Variants in SVIL observed in about 807,000 individuals in gnomAD.
SVIL encodes archvillin.
SVIL carries 101 observed loss-of-function variants against 240.4 expected under a neutral mutation model. The observed-to-expected ratio is 0.42, with a 90% confidence interval of 0.36 to 0.50. SVIL has a LOEUF of 0.50. Ranked by LOEUF, SVIL falls within the 20% of genes least tolerant of loss-of-function variation. SVIL has a pLI of 0.01. For synonymous variants in SVIL, 999 were observed against 1,100.0 expected (o/e 0.91, Z 1.82); for missense variants, 2,512 against 2,818.7 (o/e 0.89, Z 2.46).
chr10:29,653,001 T>C (rs997769999), intron 3 of SVIL, among the ~76,000 whole-genome samples: 4 of 132,372 alleles, frequency 3.0e-5, no homozygotes, highest in Non-Finnish European at 5.1e-5. Flanking sequence ...TTCCTTTTCC[T>C]TTTTTTTTTT....
At chr10:29,529,548 G>A (rs904242286) in intron 12 of SVIL, among the ~76,000 whole-genome samples, 157 bp downstream of exon 12, 6 of 152,198 alleles carry the variant, frequency 3.9e-5, no homozygotes, top group African/African-American at 1.4e-4. Context: ...ACAAAGTTTA[G>A]AGAGACCACA....
At chr10:29,648,017 A>AG in intron 3 of SVIL, among the ~76,000 whole-genome samples, 1 of 151,802 alleles carries the variant, frequency 6.6e-6, no homozygotes, top group Non-Finnish European at 1.5e-5. Flanking sequence ...AAAAAAAAAA[A>AG]AGAGAGAATG....
intron 17 of SVIL, among the ~76,000 whole-genome samples, chr10:29,510,074 TG>T (rs1204595389): frequency 1.3e-5 from 2 of 152,180 alleles, no homozygotes; most frequent in Non-Finnish European, 2.9e-5. Context: ...AGTTAATTTT[TG>T]TAAACATGGG....
At chr10:29,488,877 G>A in intron 22 of SVIL, 121 bp from the exon 23 acceptor site, 1 of 1,097,920 alleles carries the variant, frequency 9.1e-7, no homozygotes, top group Middle Eastern at 2.4e-4. Context: ...TCCCGAGAGG[G>A]AAAACATACT....
At chr10:29,605,685 TG>T (rs1369702892) in intron 1 of SVIL, among the ~76,000 whole-genome samples, 15 of 148,622 alleles carry the variant, frequency 1.0e-4, no homozygotes, top group Non-Finnish European at 4.5e-5. Flanking sequence ...TTCCCCTTAG[TG>T]GAAAAGTGGC....
At chr10:29,701,346 C>T (rs1161832191) in intron 1 of SVIL, among the ~76,000 whole-genome samples, 3 of 117,674 alleles carry the variant, frequency 2.5e-5, no homozygotes, top group African/African-American at 5.6e-5. Context: ...AAGGCCAATA[C>T]CCAAAAAACT....
intron 1 of SVIL, among the ~76,000 whole-genome samples, chr10:29,619,212 T>C (rs1484886868): frequency 6.6e-6 from 1 of 152,230 alleles, no homozygotes; most frequent in Non-Finnish European, 1.5e-5. Flanking sequence ...TGAGATACTT[T>C]GTTTGCTGAA....
At chr10:29,535,444 T>C (rs1318277046) in intron 7 of SVIL, among the ~76,000 whole-genome samples, 1 of 152,342 alleles carries the variant, frequency 6.6e-6, no homozygotes, top group Admixed American at 6.5e-5. Flanking sequence ...TTACTCATTC[T>C]GACTCCTTCC....
intron 3 of SVIL, among the ~76,000 whole-genome samples, chr10:29,648,481 C>A (rs7088702): frequency 0.018 from 2,704 of 152,248 alleles, 87 homozygotes; most frequent in African/African-American, 0.058. Context: ...TGCTTTGTAC[C>A]GTCCAATTCT....
intron 16 of SVIL, among the ~76,000 whole-genome samples, chr10:29,513,982 G>GT (rs1212485647): frequency 8.8e-6 from 1 of 114,060 alleles, no homozygotes; most frequent in Non-Finnish European, 1.8e-5. Flanking sequence ...AAGATAAAAG[G>GT]TAAAAAAAAA....
At chr10:29,563,044 G>C (rs1954656269) in intron 3 of SVIL, among the ~76,000 whole-genome samples, 157 bp downstream of exon 3, 1 of 152,192 alleles carries the variant, frequency 6.6e-6, no homozygotes, top group Admixed American at 6.5e-5. Flanking sequence ...TGCATGGAGA[G>C]AGGGGGAAGG....
chr10:29,548,306 C>T (rs1952886372), intron 6 of SVIL, among the ~76,000 whole-genome samples: 1 of 152,188 alleles, frequency 6.6e-6, no homozygotes, highest in Admixed American at 6.5e-5. Context: ...CAGAATGAAT[C>T]TCCCTGACCT....
intron 29 of SVIL, among the ~76,000 whole-genome samples, chr10:29,475,706 C>T (rs1051280613): frequency 6.6e-6 from 1 of 152,088 alleles, no homozygotes; most frequent in Non-Finnish European, 1.5e-5. Context: ...GCACTTGACC[C>T]AAAGGCCCAG....
At chr10:29,633,862 T>C (rs189613091) in intron 1 of SVIL, among the ~76,000 whole-genome samples, 9 of 152,244 alleles carry the variant, frequency 5.9e-5, no homozygotes, top group African/African-American at 2.2e-4. Flanking sequence ...GAACCTACAG[T>C]GAGGTTTTTC....
chr10:29,533,534 G>A (rs1232292274), intron 7 of SVIL, 76 bp from the exon 8 acceptor site: 3 of 1,501,042 alleles, frequency 2.0e-6, no homozygotes, highest in Middle Eastern at 1.8e-4. Flanking sequence ...GTAGATCACA[G>A]ATTACCAGTG....
chr10:29,659,410 A>G (rs1959094158), intron 2 of SVIL, among the ~76,000 whole-genome samples: 1 of 152,180 alleles, frequency 6.6e-6, no homozygotes, highest in South Asian at 2.1e-4. Flanking sequence ...AAAGTCAGAA[A>G]AGAATTCACT....
chr10:29,544,715 T>C (rs1220384502), intron 6 of SVIL, among the ~76,000 whole-genome samples: 1 of 135,934 alleles, frequency 7.4e-6, no homozygotes, highest in Non-Finnish European at 1.5e-5. Context: ...ATTGTGCTAC[T>C]GCTGCACTCC....
intron 1 of SVIL, among the ~76,000 whole-genome samples, chr10:29,734,949 T>C (rs770037541): frequency 6.6e-5 from 10 of 152,108 alleles, no homozygotes; most frequent in Non-Finnish European, 1.0e-4. Context: ...AACTTCTCAT[T>C]GCAATAAACT....
At position 29,527,871 on chromosome 10, in the gene SVIL, G is replaced by A. The variant is rs577823491; in HGVS notation, c.2247-815C>T. On this transcript the variant is annotated intron_variant, in intron 12 of 37. Coordinates refer to ENST00000355867, the MANE Select transcript of SVIL (RefSeq NM_021738.3). ...CTCCCGAGTAGCTGGGATTACAGGC[G>A]TGCGCCACCATGCCTGGCCAATATT... is the stretch of plus-strand genomic sequence containing the variant. Among the ~76,000 whole-genome samples, 12 of 151,682 alleles carry A rather than the reference G, an allele frequency of 7.9e-5. No individual in the cohort carries two copies. The East Asian group carries it at 9.7e-4, about 12-fold the overall frequency.
Sources: allele counts gnomAD v4.1 joint callset (sites outside exome capture counted in the v4.1 genomes callset), GRCh38; gene constraint gnomAD v4.1.1; transcripts MANE v1.5; gene names NCBI Gene and HGNC (gene_info 2026-07-23, HGNC 2026-07-21).